The following CFAP20DC variants were observed in gnomAD, a reference collection of about 807,000 sequenced individuals.
CFAP20DC encodes the protein CFAP20 domain containing.
A neutral mutation model predicts 101.7 loss-of-function variants in CFAP20DC; 84 were observed. The observed-to-expected ratio is 0.83, with a 90% confidence interval of 0.69 to 0.99. The LOEUF is 0.99. Among genes scored for constraint, CFAP20DC ranks in the 50% least tolerant of loss-of-function variants. The pLI, the probability that CFAP20DC is intolerant of heterozygous loss-of-function variation, is 0.00. For synonymous variants in CFAP20DC, 359 were observed against 351.2 expected (o/e 1.02, Z -0.25); for missense variants, 1,007 against 970.3 (o/e 1.04, Z -0.50).
chr3:58,720,189 T>C (rs1273871293), intron 3 of CFAP20DC, among the ~76,000 whole-genome samples: 1 of 152,244 alleles, frequency 6.6e-6, no homozygotes, highest in Non-Finnish European at 1.5e-5. Flanking sequence ...ATGTAAGTAC[T>C]GTGAGGACAG....
intron 15 of CFAP20DC, among the ~76,000 whole-genome samples, chr3:58,760,534 C>T (rs1202886069): frequency 6.6e-6 from 1 of 152,126 alleles, no homozygotes; most frequent in African/African-American, 2.4e-5. Flanking sequence ...ATTTCCTTCT[C>T]CTGCCTGATT....
intron 14 of CFAP20DC, among the ~76,000 whole-genome samples, chr3:58,816,130 A>T (rs1649499324): frequency 1.3e-5 from 2 of 151,832 alleles, no homozygotes; most frequent in South Asian, 4.1e-4. Context: ...ACAATGATAG[A>T]CTGGATTAAG....
rs1252470054 is a variant in CFAP20DC at position 58,820,270 on chromosome 3, A to G, written c.2175+11416T>C. 1.8e-4 allele frequency among the ~76,000 whole-genome samples: 27 copies of G among 149,516 alleles called. 1 individual carries two copies. In the South Asian group the frequency reaches 5.7e-3, roughly 32 times the overall value. On this transcript the variant is annotated intron_variant, in intron 14 of 16. Transcript: ENST00000482387. ...CCCTCTCTCACCACTCCTATTCAAC[A>G]TAGTGTTGGAAGTTCTGGCCAGGGC...
At chr3:58,745,118 T>A (rs1017701962) in intron 16 of CFAP20DC, among the ~76,000 whole-genome samples, 1 of 152,020 alleles carries the variant, frequency 6.6e-6, no homozygotes, top group Non-Finnish European at 1.5e-5. Context: ...GTCTTCAGAG[T>A]CCCCAGGGCC....
At chr3:58,743,255 A>G (rs1231557759) in intron 16 of CFAP20DC, among the ~76,000 whole-genome samples, 5 of 151,416 alleles carry the variant, frequency 3.3e-5, no homozygotes, top group Non-Finnish European at 1.5e-5. Context: ...CTGGCTTCCA[A>G]CAAATGGCAT....
intron 4 of CFAP20DC, among the ~76,000 whole-genome samples, chr3:58,998,866 C>T (rs2093221452): frequency 6.6e-6 from 1 of 152,188 alleles, no homozygotes; most frequent in Non-Finnish European, 1.5e-5. Flanking sequence ...ATTATGGAGA[C>T]TTGTGGATTA....
intron 15 of CFAP20DC, among the ~76,000 whole-genome samples, chr3:58,801,686 A>G (rs2073718945): frequency 1.3e-5 from 2 of 152,058 alleles, no homozygotes; most frequent in Admixed American, 1.3e-4. Flanking sequence ...GGTTACAACG[A>G]CAGGCCAGAT....
intron 8 of CFAP20DC, 81 bp downstream of exon 8, chr3:58,870,092 T>C: frequency 2.1e-5 from 10 of 484,444 alleles, no homozygotes; most frequent in East Asian, 1.2e-4. Context: ...TTTCCCTCCC[T>C]CCCTCCCTCT....
At chr3:58,995,099 A>G (rs1164560010) in intron 4 of CFAP20DC, among the ~76,000 whole-genome samples, 1 of 152,104 alleles carries the variant, frequency 6.6e-6, no homozygotes, top group Non-Finnish European at 1.5e-5. Context: ...TGCACTACCT[A>G]TATCCCTTTT....
intron 4 of CFAP20DC, among the ~76,000 whole-genome samples, chr3:58,968,461 GT>G (rs1476099699): frequency 3.3e-5 from 5 of 152,012 alleles, no homozygotes; most frequent in African/African-American, 1.2e-4. Context: ...CTAATAATCA[GT>G]TGATATTGAG....
intron 3 of CFAP20DC, chr3:58,734,588 A>G (rs563281536): frequency 2.0e-5 from 9 of 456,418 alleles, no homozygotes; most frequent in Non-Finnish European, 4.0e-5. Context: ...AAACAAACTC[A>G]GTCTCACTTC....
At chr3:58,970,256 C>A (rs2091873762) in intron 4 of CFAP20DC, 1 of 152,056 alleles carries the variant, frequency 6.6e-6, no homozygotes, top group African/African-American at 2.4e-5. Flanking sequence ...GTGATTGTGA[C>A]CTTATTTGTG....
chr3:58,985,657 T>C (rs1468817042), intron 4 of CFAP20DC, among the ~76,000 whole-genome samples: 2 of 152,196 alleles, frequency 1.3e-5, no homozygotes, highest in Non-Finnish European at 2.9e-5. Context: ...TGCTTACCAT[T>C]TGTGATTTTT....
At chr3:58,759,213 T>G (rs1252439437) in intron 15 of CFAP20DC, among the ~76,000 whole-genome samples, 1 of 152,096 alleles carries the variant, frequency 6.6e-6, no homozygotes, top group Admixed American at 6.5e-5. Context: ...TTTCCTGACT[T>G]TTTAAGGATT....
chr3:58,975,847 T>C (rs986772148), intron 4 of CFAP20DC, among the ~76,000 whole-genome samples: 1 of 152,168 alleles, frequency 6.6e-6, no homozygotes, highest in Non-Finnish European at 1.5e-5. Context: ...GGAGTAGCTC[T>C]GAGTATATGA....
intron 1 of CFAP20DC, among the ~76,000 whole-genome samples, chr3:59,048,081 T>C (rs889125436): frequency 6.6e-6 from 1 of 152,196 alleles, no homozygotes; most frequent in African/African-American, 2.4e-5. Context: ...GACACACTTA[T>C]GTAAGCACAC....
At chr3:58,997,950 G>A (rs968586598) in intron 4 of CFAP20DC, among the ~76,000 whole-genome samples, 14 of 152,188 alleles carry the variant, frequency 9.2e-5, no homozygotes, top group Admixed American at 1.3e-4. Flanking sequence ...AAGACAGTAC[G>A]TAAATTTATC....
intron 4 of CFAP20DC, among the ~76,000 whole-genome samples, chr3:58,967,335 C>T (rs1359095820): frequency 1.3e-5 from 2 of 151,962 alleles, no homozygotes; most frequent in Non-Finnish European, 2.9e-5. Context: ...AAATTTGATC[C>T]CCATCTCACA....
Position 58,869,604 on chromosome 3 carries a change from G to C in CFAP20DC, c.853-114C>G, listed in dbSNP as rs547918404. The C allele has an allele frequency of 2.7e-4, 195 of 722,388 alleles. 4 individuals carry two copies. In the South Asian group the frequency reaches 4.4e-3, roughly 16 times the overall value. The allele number at this position is 722,388 out of a possible 1,614,324, so 44.7% of individuals were successfully genotyped here. A position where few individuals can be genotyped will look rare whatever the true frequency, so the allele number is the denominator to read the frequency against. ...AATGAAGAGTGAGAAAAAAACTAGAGGAAATGAGGTTAAGATGTGAAGAAA... is the reference window on the plus strand; with the variant it reads ...AATGAAGAGTGAGAAAAAAACTAGACGAAATGAGGTTAAGATGTGAAGAAA... On this transcript the variant is annotated intron_variant, in intron 8 of 16. Coordinates refer to ENST00000482387, the MANE Select transcript of CFAP20DC (RefSeq NM_001394063.1). The surrounding 1 kb of genome is among the most constrained non-coding windows in gnomAD (Gnocchi z 4.3).
Sources: gnomAD v4.1 joint callset for allele counts (sites outside exome capture counted in the v4.1 genomes callset) on GRCh38, gnomAD v4.1.1 for gene constraint, Gnocchi (gnomAD v3.1) non-coding constraint, MANE v1.5 for transcripts, NCBI Gene and HGNC (gene_info 2026-07-23, HGNC 2026-07-21) for gene names.